AMZ2: variants seen among roughly 807,000 people sequenced by gnomAD.
The protein encoded by AMZ2 is archaemetzincin-2.
AMZ2 carries 26 observed loss-of-function variants against 36.7 expected under a neutral mutation model. That is an observed-to-expected ratio of 0.71 (90% CI 0.52 to 0.98). The LOEUF (loss-of-function observed/expected upper bound fraction) is 0.98, where lower values mean the gene tolerates loss of function less well. Ranked by LOEUF, AMZ2 falls within the 50% of genes least tolerant of loss-of-function variation. The probability of loss-of-function intolerance (pLI) is 0.00; values close to 1 mark genes in which losing one functional copy is unlikely to be tolerated. For synonymous variants in AMZ2, 144 were observed against 149.1 expected (o/e 0.97, Z 0.25); for missense variants, 394 against 430.5 (o/e 0.92, Z 0.75).
rs1445216692 is a variant in AMZ2, at chr17:68,209,630, ATAT to A, written c.-67+3394_-67+3396del. ...TATATGTATATATATATATATATAT[ATAT>A]TTTTTTTTTTTTTTATACAGAGTCT... On this transcript the variant is annotated intron_variant, in intron 1 of 7. Transcript: ENST00000674770. Among the ~76,000 whole-genome samples the A allele has an allele frequency of 4.8e-4, 47 of 98,460 alleles. 1 individual carries two copies. Among genetic ancestry groups the A allele is most frequent in the Middle Eastern group, 5.2e-3 (1 of 192 alleles). The allele number at this position is 98,460 out of a possible 152,430, so 64.6% of individuals were successfully genotyped here.
chr17:68,216,985 T>A (rs1490378865), intron 1 of AMZ2, among the ~76,000 whole-genome samples: 3 of 150,816 alleles, frequency 2.0e-5, no homozygotes, highest in East Asian at 3.9e-4. Flanking sequence ...GTGAGCCGAG[T>A]TTGCGCCCCT....
chr17:68,248,589 C>G lies in AMZ2; in HGVS notation c.-117C>G. 1.0e-6 allele frequency: 1 copy of G among 985,962 alleles called. No homozygotes were observed. Among genetic ancestry groups the G allele is most frequent in the Non-Finnish European group, 1.2e-6 (1 of 829,982 alleles). The allele number at this position is 985,962 out of a possible 1,614,324, so 61.1% of individuals were successfully genotyped here. ...CAAGAGGAGGCCTCCTGACCTTTCA[C>G]ACTGCCTTTTTAATATTAAGATGAA... On this transcript the variant is annotated 5_prime_UTR_variant, in exon 1 of 7. Coordinates refer to ENST00000359904, the MANE Select transcript of AMZ2 (RefSeq NM_016627.5).
At chr17:68,234,235 G>A (rs1196530069) in intron 1 of AMZ2, among the ~76,000 whole-genome samples, 1 of 151,618 alleles carries the variant, frequency 6.6e-6, no homozygotes, top group East Asian at 1.9e-4. Context: ...GATCACTGGA[G>A]TCCAGGAGCT....
chr17:68,242,039 C>T (rs1191614051), intron 1 of AMZ2, among the ~76,000 whole-genome samples: 1 of 152,034 alleles, frequency 6.6e-6, no homozygotes, highest in East Asian at 1.9e-4. Context: ...CCATTGCACC[C>T]GGTCCATATA....
rs538451308 is a variant in AMZ2 at position 68,235,848 on chromosome 17, G to A, written c.-66-12792G>A. ...CAAAATCTTACTTTTTTTTTTTTTC[G>A]AGATAGTTTCTCACTTGGTCCACCA... On this transcript the variant is annotated intron_variant, in intron 1 of 7. Transcript: ENST00000674770. The surrounding 1 kb of genome is among the most constrained non-coding windows in gnomAD (Gnocchi z 4.2). Among the ~76,000 whole-genome samples, 15 of 148,402 alleles carry A rather than the reference G, an allele frequency of 1.0e-4. No homozygotes were observed. The highest frequency in any genetic ancestry group is 3.5e-4 in the African/African-American group (14 of 40,196).
At chr17:68,243,948 T>C (rs1298059538), upstream of AMZ2, among the ~76,000 whole-genome samples, 2 of 152,230 alleles carry the variant, frequency 1.3e-5, no homozygotes, top group Non-Finnish European at 2.9e-5. Context: ...AATATATATC[T>C]TCTGGCTATA....
At chr17:68,238,201 T>C (rs1204099363) in intron 1 of AMZ2, among the ~76,000 whole-genome samples, 21 of 152,136 alleles carry the variant, frequency 1.4e-4, no homozygotes, top group African/African-American at 5.1e-4. Context: ...TTCTTTTATT[T>C]TCTTTCTTTC....
At chr17:68,256,784 T>A in intron 6 of AMZ2, 30 bp from the exon 7 acceptor site, 2 of 1,605,168 alleles carry the variant, frequency 1.2e-6, no homozygotes, top group East Asian at 4.5e-5. Context: ...CTGTGGTTTG[T>A]TGAAGTGCGC....
intron 1 of AMZ2, among the ~76,000 whole-genome samples, chr17:68,212,030 G>A (rs1309288366): frequency 1.3e-5 from 2 of 151,662 alleles, no homozygotes; most frequent in Non-Finnish European, 2.9e-5. Flanking sequence ...TATATCTCCA[G>A]AAAAATATGC....
chr17:68,243,043 C>CAA (rs35857340), upstream of AMZ2, among the ~76,000 whole-genome samples: 39,648 of 104,522 alleles, frequency 0.38, 6,256 homozygotes, highest in African/African-American at 0.42. Context: ...GGCTCTGTCT[C>CAA]AAAAAAAAAA....
rs1374789161 is a variant in AMZ2 at position 68,235,016 on chromosome 17, TAAAAA to T, written c.-66-13620_-66-13616del. 6.6e-6 allele frequency among the ~76,000 whole-genome samples: 1 copy of T among 151,476 alleles called. No homozygotes were observed. The highest frequency in any genetic ancestry group is 2.4e-5 in the African/African-American group (1 of 41,250). On this transcript the variant is annotated intron_variant, in intron 1 of 7. Transcript: ENST00000674770. This position sits in a 1 kb window ranked among gnomAD's most constrained non-coding sequence, Gnocchi z 4.2. Reference sequence around the variant, plus strand: ...GGCAACAAAAGCAAAACTCCAATCTTAAAAAAAAGAAAAAAGATAGGTAGATAGAT... The same window carrying T: ...GGCAACAAAAGCAAAACTCCAATCTTAAAGAAAAAAGATAGGTAGATAGAT...
At position 68,250,433 on chromosome 17, in the gene AMZ2, C is replaced by T; in HGVS notation, c.246C>T (p.Pro82=). 1 of 1,614,182 alleles carries T rather than the reference C, an allele frequency of 6.2e-7. No individual in the cohort carries two copies. Among genetic ancestry groups the T allele is most frequent in the Non-Finnish European group, 8.5e-7 (1 of 1,180,044 alleles). Residue 82 remains proline (P), a synonymous_variant, in exon 2 of 7, where the codon CCC becomes CCT. Transcript: ENST00000359904. ...QFFSDPYRKT[P]SPNKRSIYIQ... ...TCAGTGATCCTTACAGAAAGACACC[C>T]TCTCCAAACAAACGCAGCATTTATA...
rs1599446629 is a variant in AMZ2 at position 68,255,819 on chromosome 17, T to G, written c.870T>G (p.Pro290=). 6.2e-7 allele frequency: 1 copy of G among 1,614,196 alleles called. No individual in the cohort carries two copies. Among genetic ancestry groups the G allele is most frequent in the African/African-American group, 1.3e-5 (1 of 75,056 alleles). ...ACCGGCGCCCTCTAAACCTTTGCCC[T>G]ATCTGTTTGCACAAGTTGCAGTGTG... The part of the protein sequence containing the change: ...EADRRPLNLC[P]ICLHKLQCAV... The change falls in exon 6 of 7, where the codon CCT becomes CCG. Residue 290 remains proline, a synonymous_variant. Transcript: ENST00000359904.
chr17:68,250,394 C>CT lies in AMZ2; in HGVS notation c.210dup (p.Glu71Ter), dbSNP rs782283204. 6 of 1,614,068 alleles carry CT rather than the reference C, an allele frequency of 3.7e-6. No homozygotes were observed. The African/African-American group carries it at 8.0e-5, about 22-fold the overall frequency. ...CCTCCCACCCTGAGGCTCCCCAAGACTTTGAACAGTTCTTCAGTGATCCTT... is the reference window on the plus strand; with the variant it reads ...CCTCCCACCCTGAGGCTCCCCAAGACTTTTGAACAGTTCTTCAGTGATCCTT... On this transcript the variant is annotated frameshift_variant, in exon 2 of 7. Transcript: ENST00000359904. LOFTEE classifies it high-confidence loss of function.
chr17:68,254,623 T>C, intron 5 of AMZ2, 56 bp downstream of exon 5: 5 of 1,424,110 alleles, frequency 3.5e-6, no homozygotes, highest in Non-Finnish European at 3.9e-6. Flanking sequence ...CTTAGTTCCG[T>C]AAACTGTATA....
intron 1 of AMZ2, among the ~76,000 whole-genome samples, chr17:68,234,692 C>T (rs1178385828): frequency 2.6e-5 from 4 of 151,906 alleles, no homozygotes; most frequent in Non-Finnish European, 5.9e-5. Context: ...AATGCTTGAG[C>T]CCAGAAGGTC....
chr17:68,229,453 C>A (rs1555730697), intron 1 of AMZ2, among the ~76,000 whole-genome samples: 2 of 152,182 alleles, frequency 1.3e-5, no homozygotes, highest in African/African-American at 4.8e-5. Flanking sequence ...CCTGAGAAAC[C>A]TGTCTGGCTG....
rs1599354411 is a variant in AMZ2, at chr17:68,235,332, A to G, written c.-66-13308A>G. 6.6e-6 allele frequency among the ~76,000 whole-genome samples: 1 copy of G among 152,224 alleles called. No homozygotes were observed. Among genetic ancestry groups the G allele is most frequent in the East Asian group, 1.9e-4 (1 of 5,178 alleles). On this transcript the variant is annotated intron_variant, in intron 1 of 7. Transcript: ENST00000674770. This position sits in a 1 kb window ranked among gnomAD's most constrained non-coding sequence, Gnocchi z 4.2. ...TAAACAGTTGAAAGGAGCTGTTCCCATGTCTTATTTAATTCTCTCATTAAG... is the reference window on the plus strand; with the variant it reads ...TAAACAGTTGAAAGGAGCTGTTCCCGTGTCTTATTTAATTCTCTCATTAAG...
intron 1 of AMZ2, among the ~76,000 whole-genome samples, chr17:68,230,541 G>C (rs1409109853): frequency 1.3e-5 from 2 of 152,256 alleles, no homozygotes; most frequent in Non-Finnish European, 2.9e-5. Context: ...TTCACTGGGG[G>C]CTACCACTGT....
Sources: gnomAD v4.1 joint callset for allele counts (sites outside exome capture counted in the v4.1 genomes callset) on GRCh38, gnomAD v4.1.1 for gene constraint, Gnocchi (gnomAD v3.1) non-coding constraint, MANE v1.5 for transcripts, NCBI Gene and HGNC (gene_info 2026-07-23, HGNC 2026-07-21) for gene names.